The following ACAP1 variants were observed in gnomAD, a reference collection of about 807,000 sequenced individuals.
The protein encoded by ACAP1 is ArfGAP with coiled-coil, ankyrin repeat and PH domains 1.
ACAP1 carries 45 observed loss-of-function variants against 98.8 expected under a neutral mutation model. The ratio of observed to expected loss-of-function variants is 0.46; its 90% CI spans 0.36 to 0.58. ACAP1 has a LOEUF of 0.58. Ranked by LOEUF, ACAP1 falls within the 20% of genes least tolerant of loss-of-function variation. The probability of loss-of-function intolerance (pLI) is 0.00; values close to 1 mark genes in which losing one functional copy is unlikely to be tolerated. For synonymous variants in ACAP1, 362 were observed against 375.3 expected (o/e 0.96, Z 0.41); for missense variants, 735 against 971.4 (o/e 0.76, Z 3.24).
At chr17:7,345,309 TTTTTC>T (rs919260388) in intron 10 of ACAP1, 5 of 151,440 alleles carry the variant, frequency 3.3e-5, no homozygotes, top group African/African-American at 9.7e-5. Flanking sequence ...CTCTTTTTTC[TTTTTC>T]TTTTCTTTTT....
rs957032085 is a variant in ACAP1 at position 7,343,412 on chromosome 17, T to C, written c.378T>C (p.Asp126=). 6.2e-7 allele frequency: 1 copy of C among 1,613,664 alleles called. No individual in the cohort carries two copies. The change falls in exon 6 of 22, where the codon GAT becomes GAC. Residue 126 remains aspartate, a synonymous_variant. Transcript: ENST00000158762. This position sits in a 1 kb window ranked among gnomAD's most constrained non-coding sequence, Gnocchi z 4.9. ...GGGGTTTCCGAGAGGCTCGCCGGGA[T>C]TTCTGGCGGGGGGCTGAGAGCCTGG... The part of the protein sequence containing the change: ...GLRGFREARR[D]FWRGAESLEA...
intron 17 of ACAP1, 60 bp downstream of exon 17, chr17:7,348,535 A>T: frequency 7.0e-7 from 1 of 1,432,822 alleles, no homozygotes. Flanking sequence ...CGTGCCAGGT[A>T]GCGCCGGGAG....
At chr17:7,351,059 C>T in intron 21 of ACAP1, 60 bp downstream of exon 21, 1 of 1,507,312 alleles carries the variant, frequency 6.6e-7, no homozygotes, top group Non-Finnish European at 9.2e-7. Context: ...GCTTCTGGTC[C>T]ACGGTGACCT....
In ACAP1 at chr17:7,344,847, G is replaced by A. The variant is rs1383435380; in HGVS notation, c.854+199G>A. ...GAAGGTGATAGTGCTTGCTATAGGAGAAAGATGATAAAGCAAGGGATGTGG... is the reference window on the plus strand; with the variant it reads ...GAAGGTGATAGTGCTTGCTATAGGAAAAAGATGATAAAGCAAGGGATGTGG... On this transcript the variant is annotated intron_variant, in intron 10 of 21. Coordinates refer to ENST00000158762, the MANE Select transcript of ACAP1 (RefSeq NM_014716.4). The surrounding 1 kb of genome is among the most constrained non-coding windows in gnomAD (Gnocchi z 4.9). Among the ~76,000 whole-genome samples, 7 of 152,150 alleles carry A rather than the reference G, an allele frequency of 4.6e-5. No individual in the cohort carries two copies. Among genetic ancestry groups the A allele is most frequent in the Non-Finnish European group, 5.9e-5 (4 of 68,028 alleles).
chr17:7,337,683 A>G (rs1005454677), intron 2 of ACAP1, among the ~76,000 whole-genome samples: 1 of 151,972 alleles, frequency 6.6e-6, no homozygotes, highest in Admixed American at 6.6e-5. Flanking sequence ...GCGAAACCCC[A>G]TCTCTACTAA....
At chr17:7,337,238 G>T in intron 1 of ACAP1, 74 bp from the exon 2 acceptor site, 4 of 1,441,744 alleles carry the variant, frequency 2.8e-6, no homozygotes, top group South Asian at 1.2e-5. Context: ...ACCGCCCTGC[G>T]ACTCCATCCC....
At chr17:7,337,117 C>A in intron 1 of ACAP1, 195 bp from the exon 2 acceptor site, 1 of 658,780 alleles carries the variant, frequency 1.5e-6, no homozygotes, top group Non-Finnish European at 2.7e-6. Flanking sequence ...TCCTTCTACC[C>A]TTCCTGCTCT....
In ACAP1 at chr17:7,344,599, G is replaced by A; in HGVS notation, c.805G>A (p.Glu269Lys). Residue 269 changes from glutamate (E) to lysine (K), a missense_variant, in exon 10 of 22, where the codon GAA becomes AAA. Glu to Lys is a moderately conservative substitution (Grantham distance 56, BLOSUM62 1). This residue lies in a region of ACAP1 where 430 missense variants were observed against 531.8 expected (regional missense o/e 0.81). Transcript: ENST00000158762. This position sits in a 1 kb window ranked among gnomAD's most constrained non-coding sequence, Gnocchi z 4.9. ...AGAGGGGCCTGGTGGCCTGGTGATG[G>A]AAGGACATCTCTTCAAACGGGCCAG... The part of the protein sequence containing the change: ...LREGPGGLVM[E>K]GHLFKRASNA... 2.6e-6 allele frequency: 4 copies of A among 1,551,606 alleles called. No homozygotes were observed. The highest frequency in any genetic ancestry group is 3.5e-6 in the Non-Finnish European group (4 of 1,146,982).
chr17:7,344,150 G>A lies in ACAP1; in HGVS notation c.744+27G>A, dbSNP rs373265080. The A allele has an allele frequency of 1.9e-5, 29 of 1,553,366 alleles. No homozygotes were observed. Among genetic ancestry groups the A allele is most frequent in the Admixed American group, 1.8e-4 (9 of 51,370 alleles). On this transcript the variant is annotated intron_variant, in intron 9 of 21. Transcript: ENST00000158762. The surrounding 1 kb of genome is among the most constrained non-coding windows in gnomAD (Gnocchi z 4.9). Reference sequence around the variant, plus strand: ...TGAGGGGCCAGGTGCGGTGGCCCACGACCGTCATCCCAACATGTTGGGAGG... The same window carrying A: ...TGAGGGGCCAGGTGCGGTGGCCCACAACCGTCATCCCAACATGTTGGGAGG...
Position 7,350,297 on chromosome 17 carries a change from C to T in ACAP1, c.2072+60C>T. The T allele has an allele frequency of 7.4e-7, 1 of 1,357,086 alleles. No homozygotes were observed. Among genetic ancestry groups the T allele is most frequent in the East Asian group, 2.4e-5 (1 of 42,186 alleles). The allele number at this position is 1,357,086 out of a possible 1,614,324, so 84.1% of individuals were successfully genotyped here. A position where few individuals can be genotyped will look rare whatever the true frequency, so the allele number is the denominator to read the frequency against. ...GACTCCCCCCACCCCCGCCCACCCA[C>T]GTTCGGGCGGGCGGGCGGGGCTGAC... On this transcript the variant is annotated intron_variant, in intron 20 of 21. Coordinates refer to ENST00000158762, the MANE Select transcript of ACAP1 (RefSeq NM_014716.4). The surrounding 1 kb of genome is among the most constrained non-coding windows in gnomAD (Gnocchi z 4.6).
intron 17 of ACAP1, 76 bp from the exon 18 acceptor site, chr17:7,348,919 C>T: frequency 7.5e-7 from 1 of 1,333,038 alleles, no homozygotes; most frequent in Non-Finnish European, 1.1e-6. Flanking sequence ...CCCATTATAG[C>T]ATTGGGACAC....
intron 21 of ACAP1, 63 bp downstream of exon 21, chr17:7,351,062 G>C (rs1042655689): frequency 1.3e-5 from 19 of 1,509,340 alleles, no homozygotes; most frequent in Admixed American, 5.1e-5. Flanking sequence ...TCTGGTCCAC[G>C]GTGACCTCTC....
rs1324877885 is a variant in ACAP1 at position 7,351,009 on chromosome 17, A to T, written c.2122+10A>T. 6.2e-7 allele frequency: 1 copy of T among 1,613,876 alleles called. No homozygotes were observed. Among genetic ancestry groups the T allele is most frequent in the Admixed American group, 1.7e-5 (1 of 60,012 alleles). On this transcript the variant is annotated intron_variant, in intron 21 of 21. Transcript: ENST00000158762. ...GCCCAGGGGCAGGCAGGTAAAGAAT[A>T]CACCCACCCCACCCCCCAGGCCCAA...
At position 7,343,850 on chromosome 17, in the gene ACAP1, T is replaced by C. The variant is rs760308525; in HGVS notation, c.574-11T>C. 10 of 1,613,888 alleles carry C rather than the reference T, an allele frequency of 6.2e-6. No homozygotes were observed. The highest frequency in any genetic ancestry group is 8.5e-6 in the Non-Finnish European group (10 of 1,179,956). On this transcript the variant is annotated splice_polypyrimidine_tract_variant and intron_variant, in intron 7 of 21. Coordinates refer to ENST00000158762, the MANE Select transcript of ACAP1 (RefSeq NM_014716.4). This position sits in a 1 kb window ranked among gnomAD's most constrained non-coding sequence, Gnocchi z 4.9. ...TTCCTCAGCCTTCCCACTGCCCGCCTTGTCCCCCAGGTGCTGCGTTTGGTG... is the reference window on the plus strand; with the variant it reads ...TTCCTCAGCCTTCCCACTGCCCGCCCTGTCCCCCAGGTGCTGCGTTTGGTG...
rs768435511 is a variant in ACAP1, at chr17:7,348,030, G to T, written c.1413+39G>T. On this transcript the variant is annotated intron_variant, in intron 15 of 21. Coordinates refer to ENST00000158762, the MANE Select transcript of ACAP1 (RefSeq NM_014716.4). ...TTGTGAAGATTGGGGGCAAGAACTTGGGGTGGGGCAAGGACATGGCGGTGC... is the reference window on the plus strand; with the variant it reads ...TTGTGAAGATTGGGGGCAAGAACTTTGGGTGGGGCAAGGACATGGCGGTGC... 9 of 1,612,430 alleles carry T rather than the reference G, an allele frequency of 5.6e-6. No individual in the cohort carries two copies. The South Asian group carries it at 9.9e-5, about 18-fold the overall frequency.
At chr17:7,342,368 G>C in intron 4 of ACAP1, 40 bp downstream of exon 4, 2 of 1,613,962 alleles carry the variant, frequency 1.2e-6, no homozygotes, top group Non-Finnish European at 1.7e-6. Flanking sequence ...GTGGTGGCCA[G>C]GTCACCTGTG....
chr17:7,344,736 C>T lies in ACAP1; in HGVS notation c.854+88C>T. 1 of 902,246 alleles carries T rather than the reference C, an allele frequency of 1.1e-6. No individual in the cohort carries two copies. Among genetic ancestry groups the T allele is most frequent in the South Asian group, 1.5e-5 (1 of 64,982 alleles). The allele number at this position is 902,246 out of a possible 1,614,324, so 55.9% of individuals were successfully genotyped here. Reference sequence around the variant, plus strand: ...GCACACTAAGCACTGCAAGGAAAAACAGACGAACCCCCCTGCCTCAGTAGA... The same window carrying T: ...GCACACTAAGCACTGCAAGGAAAAATAGACGAACCCCCCTGCCTCAGTAGA... On this transcript the variant is annotated intron_variant, in intron 10 of 21. Coordinates refer to ENST00000158762, the MANE Select transcript of ACAP1 (RefSeq NM_014716.4). This position sits in a 1 kb window ranked among gnomAD's most constrained non-coding sequence, Gnocchi z 4.9.
In ACAP1 at chr17:7,342,347, G is replaced by A; in HGVS notation, c.285+19G>A. ...CCATGCGGTAAGTAGGGGAAGGTAAGGATTGTCGGGGTGGTGGCCAGGTCA... is the reference window on the plus strand; with the variant it reads ...CCATGCGGTAAGTAGGGGAAGGTAAAGATTGTCGGGGTGGTGGCCAGGTCA... On this transcript the variant is annotated intron_variant, in intron 4 of 21. Transcript: ENST00000158762. The A allele has an allele frequency of 3.1e-6, 5 of 1,614,138 alleles. No homozygotes were observed. The highest frequency in any genetic ancestry group is 1.3e-5 in the African/African-American group (1 of 75,046).
rs1273104996 is a variant in ACAP1, at chr17:7,344,277, G to A, written c.744+154G>A. On this transcript the variant is annotated intron_variant, in intron 9 of 21. Transcript: ENST00000158762. This position sits in a 1 kb window ranked among gnomAD's most constrained non-coding sequence, Gnocchi z 4.9. ...AAATTTTAAAATTAGCTGGTGTGGTGGCATGCACCTCTAGTTCTAGCTACT... is the reference window on the plus strand; with the variant it reads ...AAATTTTAAAATTAGCTGGTGTGGTAGCATGCACCTCTAGTTCTAGCTACT... Among the ~76,000 whole-genome samples, 1 of 152,166 alleles carries A rather than the reference G, an allele frequency of 6.6e-6. No homozygotes were observed. Among genetic ancestry groups the A allele is most frequent in the Non-Finnish European group, 1.5e-5 (1 of 68,030 alleles).
Sources: allele counts gnomAD v4.1 joint callset (sites outside exome capture counted in the v4.1 genomes callset), GRCh38; gene constraint gnomAD v4.1.1; regional missense constraint gnomAD v4.1.1; non-coding constraint Gnocchi (gnomAD v3.1); transcripts MANE v1.5; gene names NCBI Gene and HGNC (gene_info 2026-07-23, HGNC 2026-07-21).